Variants in XXYLT1 observed in about 807,000 individuals in gnomAD.
XXYLT1 encodes UDP-xylose:alpha-xyloside alpha-1,3-xylosyltransferase.
XXYLT1 carries 20 observed loss-of-function variants against 28.9 expected under a neutral mutation model. That is an observed-to-expected ratio of 0.69 (90% confidence interval 0.49 to 1.00). XXYLT1 has a LOEUF of 1.00. Among genes scored for constraint, XXYLT1 ranks in the 50% least tolerant of loss-of-function variants. The probability of loss-of-function intolerance (pLI) is 0.00; values close to 1 mark genes in which losing one functional copy is unlikely to be tolerated. For missense variants in XXYLT1, 542 were observed against 560.1 expected (o/e 0.97, Z 0.33); for synonymous variants, 257 against 253.8 (o/e 1.01, Z -0.12).
In XXYLT1 at chr3:195,195,698, AG is replaced by A. The variant is rs1207047488; in HGVS notation, c.652+31010del. Among the ~76,000 whole-genome samples, 1 of 152,186 alleles carries A rather than the reference AG, an allele frequency of 6.6e-6. No individual in the cohort carries two copies. The highest frequency in any genetic ancestry group is 2.4e-5 in the African/African-American group (1 of 41,438). On this transcript the variant is annotated intron_variant, in intron 2 of 3. Transcript: ENST00000310380. This position sits in a 1 kb window ranked among gnomAD's most constrained non-coding sequence, Gnocchi z 4.4. ...CGGGAACTCCATTCATACAGCTCTCAGGAACAGCTCGGAGGGCCCGGGCAGT... is the reference window on the plus strand; with the variant it reads ...CGGGAACTCCATTCATACAGCTCTCAGAACAGCTCGGAGGGCCCGGGCAGT...
rs1246025939 is a variant in XXYLT1, at chr3:195,194,116, A to C, written c.652+32593T>G. ...AATAAATCAATATTAAAATGAAAAT[A>C]AGCCACAGACTGGGAGAAAAATATT... On this transcript the variant is annotated intron_variant, in intron 2 of 3. Transcript: ENST00000310380. 2.6e-5 allele frequency among the ~76,000 whole-genome samples: 4 copies of C among 152,084 alleles called. No homozygotes were observed. The East Asian group carries it at 7.7e-4, about 29-fold the overall frequency.
intron 2 of XXYLT1, among the ~76,000 whole-genome samples, chr3:195,171,601 G>C (rs1178563703): frequency 6.6e-6 from 1 of 152,206 alleles, no homozygotes; most frequent in African/African-American, 2.4e-5. Context: ...TAAACCTGCA[G>C]TTTCCCGATC....
chr3:195,199,848 T>C (rs1722777992), intron 2 of XXYLT1, among the ~76,000 whole-genome samples: 1 of 152,170 alleles, frequency 6.6e-6, no homozygotes, highest in South Asian at 2.1e-4. Flanking sequence ...AGCATTAGAC[T>C]TATGAGCCAT....
At position 195,076,989 on chromosome 3, in the gene XXYLT1, C is replaced by CA; in HGVS notation, c.786-6879dup. ...CAGAGGAATTCTGAGGGACACACTTCAACCCACAGCACTCTCCAGCAATGA... is the reference window on the plus strand; with the variant it reads ...CAGAGGAATTCTGAGGGACACACTTCAAACCCACAGCACTCTCCAGCAATGA... On this transcript the variant is annotated intron_variant, in intron 3 of 3. Coordinates refer to ENST00000310380, the MANE Select transcript of XXYLT1 (RefSeq NM_152531.5). This position sits in a 1 kb window ranked among gnomAD's most constrained non-coding sequence, Gnocchi z 5.3. Among the ~76,000 whole-genome samples, 1 of 152,338 alleles carries CA rather than the reference C, an allele frequency of 6.6e-6. No homozygotes were observed. Among genetic ancestry groups the CA allele is most frequent in the Admixed American group, 6.5e-5 (1 of 15,306 alleles).
intron 2 of XXYLT1, among the ~76,000 whole-genome samples, chr3:195,191,252 C>G (rs777021021): frequency 6.6e-6 from 1 of 152,170 alleles, no homozygotes; most frequent in Non-Finnish European, 1.5e-5. Context: ...TCCACCTCCT[C>G]CACCTCTGCC....
intron 2 of XXYLT1, among the ~76,000 whole-genome samples, chr3:195,193,080 G>C (rs1191860375): frequency 6.6e-6 from 1 of 152,102 alleles, no homozygotes; most frequent in Non-Finnish European, 1.5e-5. Flanking sequence ...AAAGTCAGAA[G>C]TTCAAGATCA....
At chr3:195,125,251 C>T (rs1718556908) in intron 3 of XXYLT1, among the ~76,000 whole-genome samples, 1 of 152,262 alleles carries the variant, frequency 6.6e-6, no homozygotes, top group South Asian at 2.1e-4. Flanking sequence ...AACTGATATT[C>T]AGCTAGGGGC....
chr3:195,247,953 G>A (rs1177814831), intron 1 of XXYLT1: 1 of 569,822 alleles, frequency 1.8e-6, no homozygotes, highest in African/African-American at 1.9e-5. Context: ...CGCCCCTGTG[G>A]TCCAATCACC....
intron 1 of XXYLT1, among the ~76,000 whole-genome samples, chr3:195,239,590 C>T (rs1037574289): frequency 6.6e-6 from 1 of 152,182 alleles, no homozygotes; most frequent in East Asian, 1.9e-4. Context: ...AGTCTGATCA[C>T]GATTTGTAGG....
intron 1 of XXYLT1, chr3:195,259,685 G>C: frequency 3.0e-6 from 3 of 985,418 alleles, no homozygotes; most frequent in Non-Finnish European, 1.2e-6. Flanking sequence ...CTCCAGGCCA[G>C]CGCCAGGGAC....
chr3:195,186,232 C>T (rs996374105), intron 2 of XXYLT1, among the ~76,000 whole-genome samples: 21 of 152,224 alleles, frequency 1.4e-4, no homozygotes, highest in African/African-American at 4.1e-4. Context: ...CTGTGCTCTC[C>T]AGGGATCCTC....
Position 195,180,735 on chromosome 3 carries a change from C to T in XXYLT1, c.653-24154G>A, listed in dbSNP as rs912419841. Among the ~76,000 whole-genome samples, 1 of 152,194 alleles carries T rather than the reference C, an allele frequency of 6.6e-6. No homozygotes were observed. Among genetic ancestry groups the T allele is most frequent in the African/African-American group, 2.4e-5 (1 of 41,448 alleles). On this transcript the variant is annotated intron_variant, in intron 2 of 3. Coordinates refer to ENST00000310380, the MANE Select transcript of XXYLT1 (RefSeq NM_152531.5). The surrounding 1 kb of genome is among the most constrained non-coding windows in gnomAD (Gnocchi z 5.8). ...GGGAAAGGCGCCTGCCCACTGCCCC[C>T]ACCCCTGCAAGCACACACCTGCTCG...
chr3:195,081,955 G>C (rs1418235716), intron 3 of XXYLT1, among the ~76,000 whole-genome samples: 1 of 152,216 alleles, frequency 6.6e-6, no homozygotes, highest in East Asian at 1.9e-4. Context: ...TGTCAGTCCT[G>C]AAAGCCTGCA....
In XXYLT1 at chr3:195,078,353, C is replaced by T. The variant is rs201188020; in HGVS notation, c.786-8242G>A. Among the ~76,000 whole-genome samples, 7 of 152,050 alleles carry T rather than the reference C, an allele frequency of 4.6e-5. No individual in the cohort carries two copies. In the East Asian group the frequency reaches 7.7e-4, roughly 17 times the overall value. ...GCCACCTGTCCCTCACACTGACAGC[C>T]GAGAGGCCCGTAGCGAGTCAGGCCA... On this transcript the variant is annotated intron_variant, in intron 3 of 3. Coordinates refer to ENST00000310380, the MANE Select transcript of XXYLT1 (RefSeq NM_152531.5). The surrounding 1 kb of genome is among the most constrained non-coding windows in gnomAD (Gnocchi z 5.0).
rs1454116763 is a variant in XXYLT1, at chr3:195,196,977, TACC to T, written c.652+29729_652+29731del. ...CTTTTTAAAACCCGGTGTTGTCAATTACCTCACAGCATAACCACCCTGGATAGG... is the reference window on the plus strand; with the variant it reads ...CTTTTTAAAACCCGGTGTTGTCAATTTCACAGCATAACCACCCTGGATAGG... On this transcript the variant is annotated intron_variant, in intron 2 of 3. Coordinates refer to ENST00000310380, the MANE Select transcript of XXYLT1 (RefSeq NM_152531.5). Among the ~76,000 whole-genome samples the T allele has an allele frequency of 5.3e-5, 8 of 152,142 alleles. No homozygotes were observed. In the East Asian group the frequency reaches 1.5e-3, roughly 29 times the overall value.
At position 195,201,037 on chromosome 3, in the gene XXYLT1, AT is replaced by A. The variant is rs1722829463; in HGVS notation, c.652+25671del. Among the ~76,000 whole-genome samples the A allele has an allele frequency of 2.6e-5, 4 of 152,226 alleles. No homozygotes were observed. In the South Asian group the frequency reaches 8.3e-4, roughly 32 times the overall value. ...AGTCAAAAATCTCTATTTTTACTGT[AT>A]ATAAATTTTAACTCAATTTAAAAAA... is the stretch of plus-strand genomic sequence containing the variant. On this transcript the variant is annotated intron_variant, in intron 2 of 3. Coordinates refer to ENST00000310380, the MANE Select transcript of XXYLT1 (RefSeq NM_152531.5).
intron 3 of XXYLT1, among the ~76,000 whole-genome samples, chr3:195,103,956 C>T (rs974235255): frequency 1.3e-5 from 2 of 152,216 alleles, no homozygotes; most frequent in Admixed American, 6.5e-5. Context: ...AAAGGTTTGA[C>T]GCACTAGAAG....
In XXYLT1 at chr3:195,129,688, A is replaced by G. The variant is rs1407531208; in HGVS notation, c.785+26761T>C. Reference sequence around the variant, plus strand: ...AATGCTGATATGAATGTTCATTTGCATGTTAGTGTGCGGGCGTATGTTTTC... The same window carrying G: ...AATGCTGATATGAATGTTCATTTGCGTGTTAGTGTGCGGGCGTATGTTTTC... On this transcript the variant is annotated intron_variant, in intron 3 of 3. Coordinates refer to ENST00000310380, the MANE Select transcript of XXYLT1 (RefSeq NM_152531.5). The surrounding 1 kb of genome is among the most constrained non-coding windows in gnomAD (Gnocchi z 4.4). Among the ~76,000 whole-genome samples, 1 of 152,004 alleles carries G rather than the reference A, an allele frequency of 6.6e-6. No individual in the cohort carries two copies. Among genetic ancestry groups the G allele is most frequent in the East Asian group, 1.9e-4 (1 of 5,200 alleles).
chr3:195,157,148 C>G (rs1348963305), intron 2 of XXYLT1, among the ~76,000 whole-genome samples: 1 of 145,440 alleles, frequency 6.9e-6, no homozygotes, highest in Non-Finnish European at 1.5e-5. Flanking sequence ...TAGGCTGAGG[C>G]AGGAGAATTG....
Sources: gnomAD v4.1 joint callset for allele counts (sites outside exome capture counted in the v4.1 genomes callset) on GRCh38, gnomAD v4.1.1 for gene constraint, Gnocchi (gnomAD v3.1) non-coding constraint, MANE v1.5 for transcripts, NCBI Gene and HGNC (gene_info 2026-07-23, HGNC 2026-07-21) for gene names.